The following DOK6 variants were observed in gnomAD, a reference collection of about 807,000 sequenced individuals.
The protein encoded by DOK6 is docking protein 6.
DOK6 carries 22 observed loss-of-function variants against 44.0 expected under a neutral mutation model. The ratio of observed to expected loss-of-function variants is 0.50; its 90% CI spans 0.36 to 0.71. DOK6 has a LOEUF of 0.71. DOK6 is among the 30% of genes least tolerant of loss of function. DOK6 has a pLI of 0.00. For missense variants in DOK6, 340 were observed against 416.4 expected, an observed-to-expected ratio of 0.82 and a Z score of 1.60; for synonymous variants, 166 against 145.5, an observed-to-expected ratio of 1.14 and a Z score of -1.01.
intron 7 of DOK6, among the ~76,000 whole-genome samples, chr18:69,760,156 G>A (rs920558633): frequency 2.0e-5 from 3 of 152,102 alleles, no homozygotes; most frequent in Non-Finnish European, 4.4e-5. Flanking sequence ...CCTTCGTTCG[G>A]TTGTGATAGT....
At chr18:69,794,577 A>G (rs1199221287) in intron 7 of DOK6, among the ~76,000 whole-genome samples, 1 of 151,984 alleles carries the variant, frequency 6.6e-6, no homozygotes. Context: ...GTAAGATTCC[A>G]CTCCATCACC....
At chr18:69,450,978 G>A (rs1382684086) in intron 1 of DOK6, among the ~76,000 whole-genome samples, 27 of 147,310 alleles carry the variant, frequency 1.8e-4, no homozygotes, top group Non-Finnish European at 1.2e-4. Context: ...AAAGACCATC[G>A]AGACTAGGAA....
At chr18:69,425,914 T>C (rs1392540232) in intron 1 of DOK6, among the ~76,000 whole-genome samples, 1 of 152,152 alleles carries the variant, frequency 6.6e-6, no homozygotes, top group South Asian at 2.1e-4. Flanking sequence ...TACGTATTCA[T>C]ATTATTTTTA....
intron 1 of DOK6, among the ~76,000 whole-genome samples, chr18:69,406,046 A>G (rs368074387): frequency 4.3e-4 from 65 of 152,302 alleles, no homozygotes; most frequent in Middle Eastern, 3.4e-3. Flanking sequence ...GCAGATGACA[A>G]TTTCAATTAT....
chr18:69,421,842 T>A (rs1469048853), intron 1 of DOK6, among the ~76,000 whole-genome samples: 2 of 152,184 alleles, frequency 1.3e-5, no homozygotes, highest in African/African-American at 2.4e-5. Flanking sequence ...AGGCTGATGA[T>A]GTCTTGACCA....
chr18:69,440,798 C>T (rs1052692895), intron 1 of DOK6, among the ~76,000 whole-genome samples: 9 of 151,550 alleles, frequency 5.9e-5, no homozygotes, highest in South Asian at 2.1e-4. Context: ...CTATGAGATA[C>T]GTTGAACATG....
At chr18:69,513,294 C>T (rs777794552) in intron 1 of DOK6, among the ~76,000 whole-genome samples, 3 of 152,176 alleles carry the variant, frequency 2.0e-5, no homozygotes, top group Non-Finnish European at 4.4e-5. Context: ...AAAGCTTAAG[C>T]TAATTAAGTT....
At chr18:69,492,042 C>A (rs1028419126) in intron 1 of DOK6, among the ~76,000 whole-genome samples, 3 of 152,084 alleles carry the variant, frequency 2.0e-5, no homozygotes, top group Non-Finnish European at 4.4e-5. Flanking sequence ...TGTCTCTTTG[C>A]AAAGCTAATT....
At chr18:69,590,520 G>T (rs147554962) in intron 2 of DOK6, among the ~76,000 whole-genome samples, 174 of 152,200 alleles carry the variant, frequency 1.1e-3, no homozygotes, top group African/African-American at 3.9e-3. Flanking sequence ...CTTTGTATAC[G>T]GCTGGAACTT....
chr18:69,689,632 G>T (rs1986222558), intron 4 of DOK6, among the ~76,000 whole-genome samples: 1 of 152,082 alleles, frequency 6.6e-6, no homozygotes, highest in Non-Finnish European at 1.5e-5. Context: ...ATTTGCTCCA[G>T]TGATTCAGAT....
intron 7 of DOK6, among the ~76,000 whole-genome samples, chr18:69,825,417 A>G (rs1394323130): frequency 6.7e-6 from 1 of 150,336 alleles, no homozygotes; most frequent in African/African-American, 2.4e-5. Context: ...CGGTTTATCA[A>G]TCATAACTTC....
intron 1 of DOK6, among the ~76,000 whole-genome samples, chr18:69,413,734 A>G (rs1018660106): frequency 1.3e-5 from 2 of 152,018 alleles, no homozygotes; most frequent in Non-Finnish European, 1.5e-5. Flanking sequence ...ATAAAAGGAA[A>G]TATTGACAAT....
At chr18:69,695,891 G>A (rs1222306927) in intron 4 of DOK6, among the ~76,000 whole-genome samples, 2 of 152,208 alleles carry the variant, frequency 1.3e-5, no homozygotes, top group African/African-American at 2.4e-5. Context: ...GTTGACTTGA[G>A]TTGCTGGGTA....
intron 7 of DOK6, among the ~76,000 whole-genome samples, chr18:69,833,962 A>T (rs1981971751): frequency 6.6e-6 from 1 of 152,204 alleles, no homozygotes. Flanking sequence ...GGGAATATTA[A>T]GTAGTACAGC....
chr18:69,507,138 C>G (rs35808410), intron 1 of DOK6, among the ~76,000 whole-genome samples: 53,393 of 151,732 alleles, frequency 0.35, 9,707 homozygotes, highest in South Asian at 0.44. Flanking sequence ...AGCAATTCCC[C>G]TGCCTCAGCC....
intron 5 of DOK6, among the ~76,000 whole-genome samples, chr18:69,716,165 C>T (rs1189885869): frequency 6.6e-6 from 1 of 152,148 alleles, no homozygotes; most frequent in African/African-American, 2.4e-5. Context: ...CTATGGAGGT[C>T]AGAGAGCAGC....
intron 1 of DOK6, among the ~76,000 whole-genome samples, chr18:69,442,219 A>G (rs950945095): frequency 1.3e-5 from 2 of 152,112 alleles, no homozygotes; most frequent in Non-Finnish European, 2.9e-5. Flanking sequence ...AGCATATTTT[A>G]TGTTCTTTTT....
intron 1 of DOK6, among the ~76,000 whole-genome samples, chr18:69,517,876 T>A (rs1034622131): frequency 6.6e-6 from 1 of 152,102 alleles, no homozygotes; most frequent in African/African-American, 2.4e-5. Flanking sequence ...TCTTTGCAGG[T>A]GCTGTTTACC....
At chr18:69,805,185 T>C (rs1981019661) in intron 7 of DOK6, among the ~76,000 whole-genome samples, 1 of 152,194 alleles carries the variant, frequency 6.6e-6, no homozygotes. Flanking sequence ...AGCTCCTGCA[T>C]TTATGGTTTA....
Sources: gnomAD v4.1 joint callset for allele counts (sites outside exome capture counted in the v4.1 genomes callset) on GRCh38, gnomAD v4.1.1 for gene constraint, MANE v1.5 for transcripts, NCBI Gene and HGNC (gene_info 2026-07-23, HGNC 2026-07-21) for gene names.